B3GNT3: variants seen among roughly 807,000 people sequenced by gnomAD.
The protein encoded by B3GNT3 is UDP-GlcNAc:betaGal beta-1,3-N-acetylglucosaminyltransferase 3.
B3GNT3 carries 7 observed loss-of-function variants against 11.6 expected under a neutral mutation model. The observed-to-expected ratio is 0.60, with a 90% CI of 0.34 to 1.13. The LOEUF (loss-of-function observed/expected upper bound fraction) is 1.13, where lower values mean the gene tolerates loss of function less well. Among genes scored for constraint, B3GNT3 ranks in the 50% most tolerant of loss-of-function variants. The probability of loss-of-function intolerance (pLI) is 0.03; values close to 1 mark genes in which losing one functional copy is unlikely to be tolerated. For missense variants in B3GNT3, 400 were observed against 507.4 expected, an observed-to-expected ratio of 0.79 and a Z score of 2.03; for synonymous variants, 201 against 222.1, an observed-to-expected ratio of 0.90 and a Z score of 0.85.
Position 17,807,963 on chromosome 19 carries a change from A to ACGCCCC in B3GNT3, c.157_158insGCCCCC (p.Pro52_Pro53insArgPro). On this transcript the variant is annotated inframe_insertion, in exon 2 of 3. Coordinates refer to ENST00000318683, the MANE Select transcript of B3GNT3 (RefSeq NM_014256.4). ...CCGAGGCCCTGGCCTGGCCCACTCC[A>ACGCCCC]CCCACCCGCCCAGCCCCGGCCCCGT... is the stretch of plus-strand genomic sequence containing the variant. The ACGCCCC allele has an allele frequency of 5.7e-6, 7 of 1,223,184 alleles. No homozygotes were observed. The highest frequency in any genetic ancestry group is 8.1e-6 in the Non-Finnish European group (7 of 866,372). 75.8% of individuals were successfully genotyped at this position (1,223,184 alleles called of 1,614,324 possible). A position where few individuals can be genotyped will look rare whatever the true frequency, so the allele number is the denominator to read the frequency against.
At chr19:17,802,245 C>T (rs1305232502) in intron 1 of B3GNT3, among the ~76,000 whole-genome samples, 1 of 152,122 alleles carries the variant, frequency 6.6e-6, no homozygotes, top group African/African-American at 2.4e-5. Context: ...CCAAGGCTTA[C>T]TAGTCTCCCA....
intron 1 of B3GNT3, among the ~76,000 whole-genome samples, chr19:17,803,872 T>A (rs536635079): frequency 2.4e-3 from 342 of 143,170 alleles, no homozygotes; most frequent in African/African-American, 6.8e-3. Flanking sequence ...AAAAAAAAAA[T>A]TTTTAATTAG....
intron 1 of B3GNT3, among the ~76,000 whole-genome samples, chr19:17,799,639 A>C (rs1208938585): frequency 6.6e-6 from 1 of 151,776 alleles, no homozygotes; most frequent in East Asian, 1.9e-4. Flanking sequence ...GGTCCCATGG[A>C]AGGTCAGTAG....
At chr19:17,802,019 C>A (rs766563541) in intron 1 of B3GNT3, among the ~76,000 whole-genome samples, 1 of 151,126 alleles carries the variant, frequency 6.6e-6, no homozygotes, top group South Asian at 2.1e-4. Context: ...ACCTGGGAAG[C>A]GGGGGTTGCA....
intron 1 of B3GNT3, among the ~76,000 whole-genome samples, chr19:17,804,640 C>T (rs1171009414): frequency 7.1e-6 from 1 of 141,652 alleles, no homozygotes; most frequent in Non-Finnish European, 1.5e-5. Context: ...TGGGTTCAAG[C>T]GATTTTCCTT....
Position 17,811,478 on chromosome 19 carries a change from T to G in B3GNT3, c.568-93T>G. The G allele has an allele frequency of 7.6e-7, 1 of 1,316,650 alleles. No individual in the cohort carries two copies. Among genetic ancestry groups the G allele is most frequent in the Non-Finnish European group, 1.0e-6 (1 of 972,688 alleles). The allele number at this position is 1,316,650 out of a possible 1,614,324, so 81.6% of individuals were successfully genotyped here. Reference sequence around the variant, plus strand: ...CCAGGCTGGATTGTGGACACTTCCTTTCCTGGGCTTAGTGGGCTGGAGTGG... The same window carrying G: ...CCAGGCTGGATTGTGGACACTTCCTGTCCTGGGCTTAGTGGGCTGGAGTGG... On this transcript the variant is annotated intron_variant, in intron 2 of 2. Coordinates refer to ENST00000318683, the MANE Select transcript of B3GNT3 (RefSeq NM_014256.4). The surrounding 1 kb of genome is among the most constrained non-coding windows in gnomAD (Gnocchi z 4.1).
chr19:17,808,117 G>T lies in B3GNT3; in HGVS notation c.310G>T (p.Ala104Ser), dbSNP rs377576293. Residue 104 changes from alanine to serine, a missense_variant, in exon 2 of 3, where the codon GCG becomes TCG. Physicochemically the swap from Ala to Ser is moderately conservative, Grantham distance 99. Transcript: ENST00000318683. ...GCAGGACGTGCCCCCCTCTAAGTGCGCGCAGCCGGTCTTCCTGCTGCTGGT... is the reference window on the plus strand; with the variant it reads ...GCAGGACGTGCCCCCCTCTAAGTGCTCGCAGCCGGTCTTCCTGCTGCTGGT... ...LLQDVPPSKC[A>S]QPVFLLLVIK... The T allele has an allele frequency of 1.9e-6, 3 of 1,613,640 alleles. No homozygotes were observed. The highest frequency in any genetic ancestry group is 2.7e-5 in the African/African-American group (2 of 74,904).
chr19:17,812,168 AG>A lies in B3GNT3; in HGVS notation c.*50del. On this transcript the variant is annotated 3_prime_UTR_variant, in exon 3 of 3. Coordinates refer to ENST00000318683, the MANE Select transcript of B3GNT3 (RefSeq NM_014256.4). ...CCTCTGGGCTCCTGTTTCCATAGGA[AG>A]GGGCGACACCTTCCTCCCAGGAAGC... 1 of 1,530,658 alleles carries A rather than the reference AG, an allele frequency of 6.5e-7. No homozygotes were observed. Among genetic ancestry groups the A allele is most frequent in the Non-Finnish European group, 8.7e-7 (1 of 1,147,712 alleles). 94.8% of individuals were successfully genotyped at this position (1,530,658 alleles called of 1,614,324 possible). A position where few individuals can be genotyped will look rare whatever the true frequency, so the allele number is the denominator to read the frequency against.
At chr19:17,807,480 A>G (rs892450676) in intron 1 of B3GNT3, among the ~76,000 whole-genome samples, 6 of 144,600 alleles carry the variant, frequency 4.1e-5, no homozygotes, top group African/African-American at 1.5e-4. Context: ...CAACAGAACA[A>G]GAGAGAGAGA....
intron 1 of B3GNT3, among the ~76,000 whole-genome samples, chr19:17,799,695 G>T (rs547523759): frequency 1.3e-4 from 20 of 152,184 alleles, no homozygotes; most frequent in African/African-American, 4.6e-4. Context: ...GGTCCCCATG[G>T]CTGCTTCAAA....
chr19:17,795,916 C>T (rs2094159003), intron 1 of B3GNT3, among the ~76,000 whole-genome samples: 1 of 152,032 alleles, frequency 6.6e-6, no homozygotes, highest in African/African-American at 2.4e-5. Flanking sequence ...GGCATGGGAC[C>T]TTGGCGAGGA....
intron 2 of B3GNT3, among the ~76,000 whole-genome samples, chr19:17,809,485 C>G (rs2094177903): frequency 6.7e-6 from 1 of 149,884 alleles, no homozygotes; most frequent in Non-Finnish European, 1.5e-5. Flanking sequence ...CTGGCTCTGT[C>G]CCCCAGGCTG....
At chr19:17,808,655 G>A (rs984072550) in intron 2 of B3GNT3, among the ~76,000 whole-genome samples, 4 of 152,090 alleles carry the variant, frequency 2.6e-5, no homozygotes, top group African/African-American at 7.2e-5. Flanking sequence ...CGACCTTGGA[G>A]GAGTTCATTC....
intron 1 of B3GNT3, among the ~76,000 whole-genome samples, chr19:17,805,586 G>A (rs939486731): frequency 2.0e-5 from 3 of 151,960 alleles, no homozygotes; most frequent in Non-Finnish European, 2.9e-5. Context: ...TCCCAACCAC[G>A]TCAGCCTCCT....
chr19:17,810,098 C>G (rs1281985252), intron 2 of B3GNT3, among the ~76,000 whole-genome samples: 3 of 152,170 alleles, frequency 2.0e-5, no homozygotes, highest in East Asian at 3.8e-4. Flanking sequence ...AAGCACAGCG[C>G]CCGGCAACAA....
Position 17,812,162 on chromosome 19 carries a change from A to G in B3GNT3, c.*40A>G, listed in dbSNP as rs761294405. Reference sequence around the variant, plus strand: ...CCCCAGCCTCTGGGCTCCTGTTTCCATAGGAAGGGGCGACACCTTCCTCCC... The same window carrying G: ...CCCCAGCCTCTGGGCTCCTGTTTCCGTAGGAAGGGGCGACACCTTCCTCCC... On this transcript the variant is annotated 3_prime_UTR_variant, in exon 3 of 3. Coordinates refer to ENST00000318683, the MANE Select transcript of B3GNT3 (RefSeq NM_014256.4). 4 of 1,541,224 alleles carry G rather than the reference A, an allele frequency of 2.6e-6. No homozygotes were observed. The highest frequency in any genetic ancestry group is 1.2e-5 in the South Asian group (1 of 80,858).
intron 2 of B3GNT3, among the ~76,000 whole-genome samples, chr19:17,810,624 G>A (rs1240511975): frequency 6.7e-6 from 1 of 150,352 alleles, no homozygotes; most frequent in African/African-American, 2.5e-5. Context: ...GCTCACACCT[G>A]TAATCCCAGC....
At chr19:17,797,292 T>C (rs1009855519) in intron 1 of B3GNT3, among the ~76,000 whole-genome samples, 7 of 152,166 alleles carry the variant, frequency 4.6e-5, no homozygotes, top group Admixed American at 4.6e-4. Flanking sequence ...ATCATGAATA[T>C]TTCTGAGCTC....
chr19:17,799,382 C>T (rs1204439527), intron 1 of B3GNT3, among the ~76,000 whole-genome samples: 3 of 151,314 alleles, frequency 2.0e-5, no homozygotes, highest in African/African-American at 7.3e-5. Context: ...GATTCTCCTG[C>T]CTCAGGCTCC....
Sources: allele counts gnomAD v4.1 joint callset (sites outside exome capture counted in the v4.1 genomes callset), GRCh38; gene constraint gnomAD v4.1.1; non-coding constraint Gnocchi (gnomAD v3.1); transcripts MANE v1.5; gene names NCBI Gene and HGNC (gene_info 2026-07-23, HGNC 2026-07-21).